Variants in AGMO observed in about 807,000 individuals in gnomAD.
AGMO encodes glyceryl-ether monooxygenase.
In AGMO, 75 loss-of-function variants were observed where a neutral mutation model predicts 60.2. The observed-to-expected ratio is 1.25, with a 90% CI of 1.03 to 1.51. The LOEUF is 1.51. Among genes scored for constraint, AGMO ranks in the 40% most tolerant of loss-of-function variants. The pLI is 0.00. For missense variants in AGMO, 763 were observed against 525.5 expected (o/e 1.45, Z -4.42); for synonymous variants, 261 against 177.1 (o/e 1.47, Z -3.76).
chr7:15,246,491 G>A lies in AGMO; in HGVS notation c.1264-45132C>T, dbSNP rs1272342050. ...TGAAGTTTATTCACATTCCACAAAT[G>A]ATGTTGCATTCTTCAACAGAAAACA... is the stretch of plus-strand genomic sequence containing the variant. On this transcript the variant is annotated intron_variant, in intron 12 of 12. Coordinates refer to ENST00000342526, the MANE Select transcript of AGMO (RefSeq NM_001004320.2). Among the ~76,000 whole-genome samples, 3 of 152,104 alleles carry A rather than the reference G, an allele frequency of 2.0e-5. No individual in the cohort carries two copies. In the East Asian group the frequency reaches 5.8e-4, roughly 29 times the overall value.
At chr7:15,433,722 C>A (rs1163432118) in intron 3 of AGMO, among the ~76,000 whole-genome samples, 1 of 151,514 alleles carries the variant, frequency 6.6e-6, no homozygotes, top group South Asian at 2.1e-4. Context: ...ATTATACATT[C>A]TGTTCAATAA....
At chr7:15,233,211 T>A (rs1214344127) in intron 12 of AGMO, among the ~76,000 whole-genome samples, 8 of 152,218 alleles carry the variant, frequency 5.3e-5, no homozygotes, top group African/African-American at 1.7e-4. Context: ...ATTACTTTTT[T>A]AATTTGGACT....
chr7:15,504,548 C>G (rs1014292670), intron 3 of AGMO, among the ~76,000 whole-genome samples: 1 of 151,992 alleles, frequency 6.6e-6, no homozygotes, highest in African/African-American at 2.4e-5. Context: ...CTCACTGTCG[C>G]TCAACTGATC....
the AGMO span, among the ~76,000 whole-genome samples, chr7:15,193,206 G>A: frequency 2.0e-5 from 3 of 151,222 alleles, no homozygotes; most frequent in South Asian, 4.2e-4. Flanking sequence ...AGGTACTGAA[G>A]TATCTAACAA....
At chr7:15,355,498 C>A in intron 12 of AGMO, among the ~76,000 whole-genome samples, 1 of 90,680 alleles carries the variant, frequency 1.1e-5, no homozygotes, top group Non-Finnish European at 1.9e-5. Flanking sequence ...GAGTGAGACT[C>A]TGTCTCAAAA....
chr7:15,175,642 G>T, the AGMO span, among the ~76,000 whole-genome samples: 1 of 151,508 alleles, frequency 6.6e-6, no homozygotes, highest in African/African-American at 2.4e-5. Context: ...AAAAAAGGAG[G>T]TTACATATTT....
intron 12 of AGMO, among the ~76,000 whole-genome samples, chr7:15,327,768 G>C (rs560808916): frequency 1.1e-5 from 1 of 93,116 alleles, no homozygotes; most frequent in East Asian, 3.0e-4. Context: ...TTTTTTTTGA[G>C]ACAAGGTCTC....
chr7:15,358,952 A>G (rs1782647706), intron 12 of AGMO, among the ~76,000 whole-genome samples: 1 of 152,182 alleles, frequency 6.6e-6, no homozygotes, highest in Non-Finnish European at 1.5e-5. Flanking sequence ...AAATATCCCC[A>G]TATTACTGGA....
At chr7:15,393,645 G>A (rs1332037009) in intron 6 of AGMO, among the ~76,000 whole-genome samples, 4 of 152,188 alleles carry the variant, frequency 2.6e-5, no homozygotes, top group Non-Finnish European at 5.9e-5. Flanking sequence ...GGGAAACGCA[G>A]CTTATACTGA....
chr7:15,214,472 G>A (rs1004355004), intron 12 of AGMO, among the ~76,000 whole-genome samples: 2 of 152,032 alleles, frequency 1.3e-5, no homozygotes, highest in East Asian at 3.9e-4. Context: ...ACATGGTTTT[G>A]TATATACAAA....
Position 15,536,272 on chromosome 7 carries a change from GTTGAAC to G in AGMO, c.409+8494_409+8499del, listed in dbSNP as rs1374633787. Among the ~76,000 whole-genome samples the G allele has an allele frequency of 2.6e-5, 4 of 151,922 alleles. No homozygotes were observed. In the East Asian group the frequency reaches 7.7e-4, roughly 29 times the overall value. On this transcript the variant is annotated intron_variant, in intron 3 of 12. Coordinates refer to ENST00000342526, the MANE Select transcript of AGMO (RefSeq NM_001004320.2). ...CAGTTAATAAGTGTCAGTACAAAGA[GTTGAAC>G]TCAGGGAACTTGGCTCCAGAATCTA...
intron 8 of AGMO, among the ~76,000 whole-genome samples, 173 bp downstream of exon 8, chr7:15,390,498 T>C (rs893624749): frequency 3.3e-5 from 5 of 152,220 alleles, no homozygotes; most frequent in African/African-American, 1.2e-4. Flanking sequence ...TTTGCCTGAT[T>C]TGATTCAAAC....
intron 12 of AGMO, among the ~76,000 whole-genome samples, chr7:15,354,341 C>G (rs200577860): frequency 0.041 from 1,389 of 33,930 alleles, 149 homozygotes; most frequent in Middle Eastern, 0.093. Flanking sequence ...CGTGTATATA[C>G]ACGCGTGTAT....
At chr7:15,400,626 T>G (rs1784526958) in intron 5 of AGMO, among the ~76,000 whole-genome samples, 2 of 152,078 alleles carry the variant, frequency 1.3e-5, no homozygotes, top group South Asian at 4.1e-4. Flanking sequence ...CTGGAGCTCT[T>G]GGAGTTTGAA....
Position 15,369,377 on chromosome 7 carries a change from C to A in AGMO, c.1075-3155G>T, listed in dbSNP as rs79587001. On this transcript the variant is annotated intron_variant, in intron 10 of 12. Coordinates refer to ENST00000342526, the MANE Select transcript of AGMO (RefSeq NM_001004320.2). ...TAAAGCTCAAAGTCATCACTCTAGC[C>A]CAAATACGCCATACCCCACTATTAA... is the stretch of plus-strand genomic sequence containing the variant. Among the ~76,000 whole-genome samples the A allele has an allele frequency of 7.7e-3, 1,169 of 152,148 alleles. 8 individuals are homozygous for A. Among genetic ancestry groups the A allele is most frequent in the South Asian group, 0.013 (62 of 4,824 alleles).
chr7:15,198,929 A>G (rs1781203007), downstream of AGMO, among the ~76,000 whole-genome samples: 1 of 152,184 alleles, frequency 6.6e-6, no homozygotes, highest in Admixed American at 6.5e-5. Context: ...ATGACTCCTA[A>G]GCCTATTTTC....
chr7:15,551,831 T>C (rs1784969030), intron 2 of AGMO, among the ~76,000 whole-genome samples: 1 of 152,106 alleles, frequency 6.6e-6, no homozygotes. Context: ...TTAAAGTTCA[T>C]ATGGAATCAA....
chr7:15,403,088 C>A (rs2128490203), intron 5 of AGMO, among the ~76,000 whole-genome samples: 1 of 151,978 alleles, frequency 6.6e-6, no homozygotes, highest in African/African-American at 2.4e-5. Flanking sequence ...AAAAATCACT[C>A]ATTTTTCTTT....
At chr7:15,388,423 CAAT>C (rs370466616) in intron 8 of AGMO, among the ~76,000 whole-genome samples, 200 of 151,914 alleles carry the variant, frequency 1.3e-3, no homozygotes, top group African/African-American at 4.3e-3. Flanking sequence ...TGGGGCTTTG[CAAT>C]AATAATAATA....
Sources: gnomAD v4.1 joint callset for allele counts (sites outside exome capture counted in the v4.1 genomes callset) on GRCh38, gnomAD v4.1.1 for gene constraint, MANE v1.5 for transcripts, NCBI Gene and HGNC (gene_info 2026-07-23, HGNC 2026-07-21) for gene names.